Variants in TUB observed in about 807,000 individuals in gnomAD.
The protein encoded by TUB is TUB bipartite transcription factor.
TUB carries 33 observed loss-of-function variants against 59.7 expected under a neutral mutation model. The observed-to-expected ratio is 0.55, with a 90% CI of 0.42 to 0.74. The LOEUF is 0.74. Among genes scored for constraint, TUB ranks in the 30% least tolerant of loss-of-function variants. The pLI is 0.00. For missense variants in TUB, 659 were observed against 672.0 expected, an observed-to-expected ratio of 0.98 and a Z score of 0.21; for synonymous variants, 293 against 256.4, an observed-to-expected ratio of 1.14 and a Z score of -1.36.
At chr11:8,085,684 A>C (rs538092995) in intron 1 of TUB, among the ~76,000 whole-genome samples, 3 of 152,334 alleles carry the variant, frequency 2.0e-5, no homozygotes, top group African/African-American at 7.2e-5. Flanking sequence ...TGAAGTCAAC[A>C]TGGAAAGTGT....
intron 7 of TUB, 132 bp downstream of exon 7, chr11:8,097,557 G>A: frequency 7.3e-7 from 1 of 1,374,330 alleles, no homozygotes; most frequent in South Asian, 1.3e-5. Context: ...TTCGTGTCTG[G>A]TCTGTGCACA....
At chr11:8,034,824 A>G (rs754769992), upstream of TUB, among the ~76,000 whole-genome samples, 32 of 152,076 alleles carry the variant, frequency 2.1e-4, no homozygotes, top group Admixed American at 1.5e-3. Flanking sequence ...GGTGGGTGCC[A>G]CCTTATGACT....
chr11:8,048,131 C>T (rs1942866143), intron 2 of TUB, among the ~76,000 whole-genome samples: 1 of 152,142 alleles, frequency 6.6e-6, no homozygotes. Context: ...ACTTATACCA[C>T]ACATGAGTCT....
intron 1 of TUB, among the ~76,000 whole-genome samples, chr11:8,028,165 G>C (rs896840761): frequency 3.9e-5 from 6 of 152,044 alleles, no homozygotes; most frequent in African/African-American, 1.2e-4. Context: ...TCTAGGAAGT[G>C]GTATCTTATC....
In TUB at chr11:8,101,630, G is replaced by T. The variant is rs149559720; in HGVS notation, c.*11G>T. Reference sequence around the variant, plus strand: ...CTGGCGTGCGAGTAGAGGCCTCTTCGTGCCCTTTGGGGTTGCCCAGCCTGG... The same window carrying T: ...CTGGCGTGCGAGTAGAGGCCTCTTCTTGCCCTTTGGGGTTGCCCAGCCTGG... On this transcript the variant is annotated 3_prime_UTR_variant, in exon 12 of 12. Transcript: ENST00000299506. 35 of 1,613,706 alleles carry T rather than the reference G, an allele frequency of 2.2e-5. No homozygotes were observed. The highest frequency in any genetic ancestry group is 2.7e-5 in the Non-Finnish European group (32 of 1,179,864).
rs554817197 is a variant in TUB at position 8,028,825 on chromosome 11, C to T, written c.56+9467C>T. On this transcript the variant is annotated intron_variant, in intron 1 of 11. Transcript: ENST00000534099. ...AGGAGTTTGAGACCAGCCTGGACAA[C>T]GTAGTGAGACCCTGTCTCCATAAAA... is the stretch of plus-strand genomic sequence containing the variant. Among the ~76,000 whole-genome samples, 249 of 152,192 alleles carry T rather than the reference C, an allele frequency of 1.6e-3. 3 individuals carry two copies. The highest frequency in any genetic ancestry group is 8.1e-4 in the Non-Finnish European group (55 of 68,008).
At position 8,097,777 on chromosome 11, in the gene TUB, G is replaced by A. The variant is rs761409099; in HGVS notation, c.949G>A (p.Asp317Asn). The change falls in exon 8 of 12, where the codon GAC becomes AAC. Residue 317 changes from aspartate to asparagine, a missense_variant. Asp to Asn is a conservative substitution (Grantham distance 23). Around this residue, in one of 3 missense-constraint regions of TUB, gnomAD observed 112 missense variants for 156.9 expected, o/e 0.71. Transcript: ENST00000299506. The stretch of plus-strand genomic sequence containing the variant: ...AACTTCCAATTACCTCATCTCTGTG[G>A]ACCCAACAGACTTGTCTCGAGGAGG... ...SKTSNYLISV[D>N]PTDLSRGGDS... The A allele has an allele frequency of 6.2e-7, 1 of 1,614,062 alleles. No individual in the cohort carries two copies. Among genetic ancestry groups the A allele is most frequent in the Non-Finnish European group, 8.5e-7 (1 of 1,179,990 alleles).
At chr11:8,037,617 C>A (rs1028976286), upstream of TUB, among the ~76,000 whole-genome samples, 3 of 152,072 alleles carry the variant, frequency 2.0e-5, no homozygotes, top group African/African-American at 7.2e-5. Context: ...GTAATTTTTA[C>A]AAGAGCATGG....
rs1227527940 is a variant in TUB at position 8,100,988 on chromosome 11, G to A, written c.1378G>A (p.Gly460Ser). ...ASVKNFQIIH[G>S]NDPDYIVMQF... The stretch of plus-strand genomic sequence containing the variant: ...CGTGAAGAACTTCCAGATCATCCAT[G>A]GCAATGACCGTGAGTGTTTCTGTCC... Residue 460 changes from glycine to serine, a missense_variant, in exon 11 of 12, where the codon GGC becomes AGC. Physicochemically the swap from Gly to Ser is moderately conservative, Grantham distance 56 (BLOSUM62 0). Around this residue, in one of 3 missense-constraint regions of TUB, gnomAD observed 226 missense variants for 210.8 expected, o/e 1.07. Coordinates refer to ENST00000299506, the MANE Select transcript of TUB (RefSeq NM_177972.3). 2 of 1,614,156 alleles carry A rather than the reference G, an allele frequency of 1.2e-6. No individual in the cohort carries two copies. The highest frequency in any genetic ancestry group is 1.7e-6 in the Non-Finnish European group (2 of 1,180,032).
intron 2 of TUB, among the ~76,000 whole-genome samples, chr11:8,045,712 G>T (rs1201223690): frequency 2.6e-5 from 4 of 152,200 alleles, no homozygotes; most frequent in Admixed American, 2.6e-4. Flanking sequence ...AGGCATTTTG[G>T]ATAAGGGATA....
intron 1 of TUB, among the ~76,000 whole-genome samples, 172 bp from the exon 2 acceptor site, chr11:8,089,438 G>C (rs1943729625): frequency 6.6e-6 from 1 of 152,182 alleles, no homozygotes; most frequent in African/African-American, 2.4e-5. Flanking sequence ...GGTTCAAGCT[G>C]GTTTCAAGAT....
chr11:8,055,694 G>A (rs187373374), intron 2 of TUB, among the ~76,000 whole-genome samples: 36 of 152,380 alleles, frequency 2.4e-4, no homozygotes, highest in African/African-American at 8.4e-4. Context: ...TGGGGGACAG[G>A]ATAGAGTCCA....
intron 2 of TUB, among the ~76,000 whole-genome samples, chr11:8,052,465 CTTTTTT>C (rs11290658): frequency 1.2e-5 from 1 of 85,306 alleles, no homozygotes; most frequent in Non-Finnish European, 2.1e-5. Context: ...TGAATAGGAC[CTTTTTT>C]TTTTTTTTTT....
intron 2 of TUB, among the ~76,000 whole-genome samples, chr11:8,050,875 C>T (rs1185934293): frequency 6.6e-6 from 1 of 152,126 alleles, no homozygotes; most frequent in Non-Finnish European, 1.5e-5. Context: ...AAATTGCATC[C>T]TTTTGAGGGA....
In TUB at chr11:8,101,728, G is replaced by C. The variant is rs2133921851; in HGVS notation, c.*109G>C. ...GTATATAGGCCTTCCGCCAGATGAA[G>C]CTTTGGCCCTCAGTGGGCTCCCTGG... On this transcript the variant is annotated 3_prime_UTR_variant, in exon 12 of 12. Transcript: ENST00000299506. 1 of 1,465,020 alleles carries C rather than the reference G, an allele frequency of 6.8e-7. No individual in the cohort carries two copies. The highest frequency in any genetic ancestry group is 1.4e-5 in the South Asian group (1 of 70,816). 90.8% of individuals were successfully genotyped at this position (1,465,020 alleles called of 1,614,324 possible).
At chr11:8,069,409 G>C (rs866105544) in intron 2 of TUB, 14 of 146,960 alleles carry the variant, frequency 9.5e-5, no homozygotes, top group Non-Finnish European at 1.8e-4. Context: ...CGGGGGGGGG[G>C]GGTAATTAAC....
At chr11:8,029,490 G>A (rs1280057626) in intron 1 of TUB, among the ~76,000 whole-genome samples, 1 of 151,088 alleles carries the variant, frequency 6.6e-6, no homozygotes, top group Non-Finnish European at 1.5e-5. Flanking sequence ...TCAGGTTCAG[G>A]TAATTCTCCT....
At chr11:8,019,484 G>T in intron 1 of TUB, 5 of 944,544 alleles carry the variant, frequency 5.3e-6, no homozygotes, top group Non-Finnish European at 6.8e-6. Flanking sequence ...TTGGGCACCC[G>T]GACCCTCGGG....
chr11:8,022,927 A>C (rs1942450632), intron 1 of TUB, among the ~76,000 whole-genome samples: 1 of 151,918 alleles, frequency 6.6e-6, no homozygotes. Context: ...AAAAACACAC[A>C]AACAAAAACA....
Sources: allele counts gnomAD v4.1 joint callset (sites outside exome capture counted in the v4.1 genomes callset), GRCh38; gene constraint gnomAD v4.1.1; regional missense constraint gnomAD v4.1.1; transcripts MANE v1.5; gene names NCBI Gene and HGNC (gene_info 2026-07-23, HGNC 2026-07-21).